PLCB1: variants seen among roughly 807,000 people sequenced by gnomAD.
The protein encoded by PLCB1 is 1-phosphatidylinositol 4,5-bisphosphate phosphodiesterase beta-1.
Under a neutral mutation model 161.8 loss-of-function variants are expected in PLCB1, and 46 were observed. The ratio of observed to expected loss-of-function variants is 0.28; its 90% CI spans 0.22 to 0.36. The LOEUF (loss-of-function observed/expected upper bound fraction) is 0.36. PLCB1 is among the 10% of genes least tolerant of loss of function. The pLI, the probability that PLCB1 is intolerant of heterozygous loss-of-function variation, is 1.00. For missense variants in PLCB1, 1,016 were observed against 1,472.5 expected (o/e 0.69, Z 5.07); for synonymous variants, 517 against 503.7 (o/e 1.03, Z -0.35).
chr20:8,779,483 A>G (rs1983101778), intron 27 of PLCB1, among the ~76,000 whole-genome samples: 1 of 141,714 alleles, frequency 7.1e-6, no homozygotes, highest in African/African-American at 2.6e-5. Flanking sequence ...ATGCACACCA[A>G]GCTCTGTAGA....
intron 2 of PLCB1, among the ~76,000 whole-genome samples, chr20:8,230,239 T>C (rs1162113314): frequency 6.6e-6 from 1 of 152,096 alleles, no homozygotes; most frequent in Non-Finnish European, 1.5e-5. Context: ...CTGATCAGAC[T>C]ATCCTACTAA....
At chr20:8,574,891 G>T (rs554545687) in intron 3 of PLCB1, among the ~76,000 whole-genome samples, 1 of 152,364 alleles carries the variant, frequency 6.6e-6, no homozygotes, top group South Asian at 2.1e-4. Context: ...AAGGCTGATA[G>T]TTAGAAGTCG....
intron 3 of PLCB1, among the ~76,000 whole-genome samples, chr20:8,450,582 A>C (rs1187310782): frequency 1.3e-5 from 2 of 152,106 alleles, no homozygotes; most frequent in African/African-American, 4.8e-5. Flanking sequence ...CTCCTCAAAC[A>C]TCCAGGTAGC....
chr20:8,754,592 A>T (rs1421714910), intron 23 of PLCB1, among the ~76,000 whole-genome samples: 1 of 152,110 alleles, frequency 6.6e-6, no homozygotes, highest in Non-Finnish European at 1.5e-5. Flanking sequence ...GGAAGGTCAG[A>T]TCCCCACGGA....
At chr20:8,192,947 G>T (rs1452176281) in intron 2 of PLCB1, among the ~76,000 whole-genome samples, 1 of 151,914 alleles carries the variant, frequency 6.6e-6, no homozygotes, top group South Asian at 2.1e-4. Flanking sequence ...TGTACATAAT[G>T]AGTGGATACC....
At chr20:8,638,145 C>T (rs1470108602) in intron 4 of PLCB1, among the ~76,000 whole-genome samples, 1 of 152,198 alleles carries the variant, frequency 6.6e-6, no homozygotes, top group African/African-American at 2.4e-5. Flanking sequence ...CCGCCCACCT[C>T]GGCCTCCCAA....
intron 2 of PLCB1, among the ~76,000 whole-genome samples, chr20:8,150,708 A>G (rs1291969213): frequency 2.0e-5 from 3 of 152,196 alleles, no homozygotes; most frequent in African/African-American, 7.2e-5. Context: ...TAAAGGATGA[A>G]GAAAAATGAT....
chr20:8,871,886 A>G (rs1184905146), intron 31 of PLCB1, among the ~76,000 whole-genome samples: 1 of 152,230 alleles, frequency 6.6e-6, no homozygotes, highest in Non-Finnish European at 1.5e-5. Flanking sequence ...AGCATTTAAT[A>G]TGTATGATCT....
intron 1 of PLCB1, among the ~76,000 whole-genome samples, chr20:8,139,809 A>G (rs185245263): frequency 3.3e-5 from 5 of 152,280 alleles, no homozygotes; most frequent in Admixed American, 1.3e-4. Flanking sequence ...CGATTCCTAC[A>G]TCCTCTTAGT....
chr20:8,632,031 TTTGC>T (rs1337402308), intron 4 of PLCB1, among the ~76,000 whole-genome samples: 8 of 91,744 alleles, frequency 8.7e-5, no homozygotes, highest in African/African-American at 2.2e-4. Flanking sequence ...ATGGGTTTTT[TTTGC>T]TTTTTTTTTT....
intron 1 of PLCB1, among the ~76,000 whole-genome samples, chr20:8,138,372 C>A (rs931014157): frequency 6.6e-6 from 1 of 152,140 alleles, no homozygotes; most frequent in Admixed American, 6.5e-5. Flanking sequence ...TTATCATGAA[C>A]AAGAATCGCC....
intron 3 of PLCB1, among the ~76,000 whole-genome samples, chr20:8,538,870 T>G (rs1985160659): frequency 6.6e-6 from 1 of 151,506 alleles, no homozygotes; most frequent in South Asian, 2.1e-4. Context: ...CTCTGCTCAC[T>G]GCAACCTCTG....
At chr20:8,794,216 G>A (rs1464151883) in intron 31 of PLCB1, among the ~76,000 whole-genome samples, 2 of 152,040 alleles carry the variant, frequency 1.3e-5, no homozygotes, top group East Asian at 1.9e-4. Flanking sequence ...CATCCTCCTC[G>A]GCTGACAGGA....
At chr20:8,523,342 G>A (rs1391913877) in intron 3 of PLCB1, among the ~76,000 whole-genome samples, 1 of 149,464 alleles carries the variant, frequency 6.7e-6, no homozygotes, top group Non-Finnish European at 1.5e-5. Context: ...GCAAGTCTTT[G>A]GAGCAAAAAT....
At chr20:8,159,318 T>A (rs577318422) in intron 2 of PLCB1, among the ~76,000 whole-genome samples, 29 of 152,276 alleles carry the variant, frequency 1.9e-4, no homozygotes, top group Admixed American at 1.7e-3. Context: ...TTGGCCCCTT[T>A]CAGACACAGC....
intron 2 of PLCB1, among the ~76,000 whole-genome samples, chr20:8,368,794 A>G (rs989979289): frequency 6.6e-6 from 1 of 152,080 alleles, no homozygotes; most frequent in Non-Finnish European, 1.5e-5. Flanking sequence ...AGTGGGTTGT[A>G]GTTTTCTGCA....
At chr20:8,572,057 G>A (rs1339866285) in intron 3 of PLCB1, among the ~76,000 whole-genome samples, 2 of 152,038 alleles carry the variant, frequency 1.3e-5, no homozygotes, top group Non-Finnish European at 2.9e-5. Context: ...TTTATTACGA[G>A]TTTTAACATT....
chr20:8,844,719 C>G (rs1349700311), intron 31 of PLCB1, among the ~76,000 whole-genome samples: 1 of 152,186 alleles, frequency 6.6e-6, no homozygotes, highest in Non-Finnish European at 1.5e-5. Context: ...ATTTCCCTTA[C>G]AAGTGAAATT....
chr20:8,695,564 T>A (rs891136696), intron 10 of PLCB1, among the ~76,000 whole-genome samples: 1 of 152,176 alleles, frequency 6.6e-6, no homozygotes, highest in African/African-American at 2.4e-5. Flanking sequence ...TAGTTGAGCA[T>A]GCTCGTGCAC....
Sources: gnomAD v4.1 joint callset for allele counts (sites outside exome capture counted in the v4.1 genomes callset) on GRCh38, gnomAD v4.1.1 for gene constraint, MANE v1.5 for transcripts, NCBI Gene and HGNC (gene_info 2026-07-23, HGNC 2026-07-21) for gene names.